Variants in GPD2 observed in about 807,000 individuals in gnomAD.
The protein encoded by GPD2 is glycerol-3-phosphate dehydrogenase 2.
A neutral mutation model predicts 82.4 loss-of-function variants in GPD2; 54 were observed. The observed-to-expected ratio is 0.66, with a 90% confidence interval of 0.53 to 0.82. The LOEUF is 0.82. GPD2 is among the 40% of genes least tolerant of loss of function. The pLI is 0.00. For synonymous variants in GPD2, 288 were observed against 306.1 expected, an observed-to-expected ratio of 0.94 and a Z score of 0.62; for missense variants, 748 against 896.2, an observed-to-expected ratio of 0.83 and a Z score of 2.11.
intron 3 of GPD2, among the ~76,000 whole-genome samples, chr2:156,499,167 G>A (rs1163254482): frequency 6.6e-6 from 1 of 152,148 alleles, no homozygotes; most frequent in Non-Finnish European, 1.5e-5. Flanking sequence ...ATGGGTGGGA[G>A]TAAGGGATGT....
chr2:156,492,757 G>A lies in GPD2; in HGVS notation c.103-3287G>A, dbSNP rs567641609. On this transcript the variant is annotated intron_variant, in intron 2 of 16. Transcript: ENST00000438166. Reference sequence around the variant, plus strand: ...TGGAAATGTTTTAGAAGATGGAACTGATAAACTCAGTGATTGAGCAGATAT... The same window carrying A: ...TGGAAATGTTTTAGAAGATGGAACTAATAAACTCAGTGATTGAGCAGATAT... Among the ~76,000 whole-genome samples the A allele has an allele frequency of 1.1e-3, 170 of 152,250 alleles. 1 individual carries two copies. The highest frequency in any genetic ancestry group is 1.9e-3 in the Non-Finnish European group (126 of 68,002).
chr2:156,570,142 T>C lies in GPD2; in HGVS notation c.1532T>C (p.Met511Thr). ...GATAAGGCCTTTGAGGTGGCCAAAA[T>C]GGCAAGTGTGACTGGCAAAAGGTGG... Reference protein sequence around the residue: ...YGDKAFEVAKMASVTGKRWPI... With the variant: ...YGDKAFEVAKTASVTGKRWPI... Residue 511 changes from methionine to threonine, a missense_variant, in exon 12 of 17, where the codon ATG becomes ACG. By Grantham distance (81) the Met-to-Thr change is moderately conservative (BLOSUM62 -1). Around this residue, in one of 3 missense-constraint regions of GPD2, gnomAD observed 692 missense variants for 809.7 expected, o/e 0.85. Coordinates refer to ENST00000438166, the MANE Select transcript of GPD2 (RefSeq NM_000408.5). 6.2e-7 allele frequency: 1 copy of C among 1,612,480 alleles called. No individual in the cohort carries two copies. Among genetic ancestry groups the C allele is most frequent in the Non-Finnish European group, 8.5e-7 (1 of 1,179,146 alleles).
At chr2:156,411,160 A>G in the GPD2 span, among the ~76,000 whole-genome samples, 9 of 152,344 alleles carry the variant, frequency 5.9e-5, no homozygotes, top group East Asian at 1.7e-3. Context: ...GGGGGTAAGT[A>G]GCTTATTTAA....
intron 2 of GPD2, among the ~76,000 whole-genome samples, chr2:156,489,776 C>T (rs1573922540): frequency 1.7e-5 from 1 of 59,930 alleles, no homozygotes; most frequent in South Asian, 9.0e-4. Flanking sequence ...TCCCTTCCCT[C>T]CTCTCCCCTC....
At chr2:156,435,221 TCTTC>T (rs893317245), upstream of GPD2, 4 of 152,374 alleles carry the variant, frequency 2.6e-5, no homozygotes, top group African/African-American at 9.6e-5. Flanking sequence ...ACACTAATTT[TCTTC>T]CTTCTTTTGG....
At chr2:156,400,763 C>G in the GPD2 span, among the ~76,000 whole-genome samples, 3 of 152,306 alleles carry the variant, frequency 2.0e-5, no homozygotes, top group African/African-American at 7.2e-5. Flanking sequence ...AATATGCTTT[C>G]GGCTGGGGGA....
chr2:156,498,177 A>C (rs971115482), intron 3 of GPD2, among the ~76,000 whole-genome samples: 1 of 152,200 alleles, frequency 6.6e-6, no homozygotes, highest in African/African-American at 2.4e-5. Context: ...TTAGTTTTAC[A>C]AATATATGCT....
chr2:156,439,612 C>T (rs1171241795), intron 1 of GPD2, among the ~76,000 whole-genome samples: 1 of 145,592 alleles, frequency 6.9e-6, no homozygotes, highest in Non-Finnish European at 1.5e-5. Context: ...GCTGGGAGGC[C>T]TAGGCAGGCG....
rs1316479113 is a variant in GPD2, at chr2:156,584,275, TTTG to T, written c.*1366_*1368del. The T allele has an allele frequency of 4.6e-5, 7 of 152,070 alleles. No individual in the cohort carries two copies. Among genetic ancestry groups the T allele is most frequent in the Non-Finnish European group, 7.4e-5 (5 of 67,976 alleles). 9.4% of individuals were successfully genotyped at this position (152,070 alleles called of 1,614,324 possible). On this transcript the variant is annotated 3_prime_UTR_variant, in exon 17 of 17. Transcript: ENST00000438166. ...TCTTGTAAAGTTAACTACTTACTTT[TTTG>T]TTGTTGTTTTTTTAACATCAGGTTC...
rs376686130 is a variant in GPD2, at chr2:156,496,055, C to G, written c.114C>G (p.Ala38=). The change falls in exon 3 of 17, where the codon GCC becomes GCG. Residue 38 remains alanine, a synonymous_variant. Transcript: ENST00000438166. ...AHYRRKQMNL[A]YVKAADCISE... The stretch of plus-strand genomic sequence containing the variant: ...TGCTTTTACATCAGATGAACCTGGC[C>G]TATGTTAAAGCAGCAGACTGCATTT... The G allele has an allele frequency of 1.1e-5, 18 of 1,611,882 alleles. No homozygotes were observed. The highest frequency in any genetic ancestry group is 1.5e-5 in the Non-Finnish European group (18 of 1,178,578).
At chr2:156,406,203 A>G in the GPD2 span, among the ~76,000 whole-genome samples, 2 of 152,166 alleles carry the variant, frequency 1.3e-5, no homozygotes, top group Non-Finnish European at 2.9e-5. Flanking sequence ...CCATTTTAGA[A>G]TCACAAGTAG....
intron 1 of GPD2, among the ~76,000 whole-genome samples, chr2:156,449,736 C>T (rs1295166147): frequency 9.2e-5 from 14 of 151,880 alleles, no homozygotes; most frequent in Admixed American, 7.9e-4. Context: ...GTGGCCTGGG[C>T]GTGGTGGCTT....
chr2:156,553,004 A>C (rs2105339112), intron 8 of GPD2, among the ~76,000 whole-genome samples: 1 of 144,352 alleles, frequency 6.9e-6, no homozygotes, highest in Middle Eastern at 3.8e-3. Context: ...AGTTCAAGTG[A>C]TTCTCCTGCC....
At chr2:156,539,787 T>G (rs1686234834) in intron 6 of GPD2, among the ~76,000 whole-genome samples, 1 of 152,240 alleles carries the variant, frequency 6.6e-6, no homozygotes, top group Non-Finnish European at 1.5e-5. Flanking sequence ...GTGAAAGGAT[T>G]CACTTGCTTT....
intron 1 of GPD2, among the ~76,000 whole-genome samples, chr2:156,449,190 C>T (rs1037027258): frequency 1.2e-4 from 18 of 151,790 alleles, no homozygotes; most frequent in African/African-American, 4.4e-4. Flanking sequence ...TTCACAGGTT[C>T]CAGGGATTAG....
the GPD2 span, among the ~76,000 whole-genome samples, chr2:156,419,441 A>G: frequency 6.6e-6 from 1 of 152,170 alleles, no homozygotes; most frequent in Admixed American, 6.5e-5. Flanking sequence ...AATGGCATTT[A>G]TTTTTAGTTT....
rs184913 is a variant in GPD2 at position 156,451,494 on chromosome 2, A to G, written c.-9+14981A>G. Among the ~76,000 whole-genome samples, 2 of 53,248 alleles carry G rather than the reference A, an allele frequency of 3.8e-5. 1 individual carries two copies. The highest frequency in any genetic ancestry group is 6.5e-5 in the Non-Finnish European group (2 of 30,734). 34.9% of individuals were successfully genotyped at this position (53,248 alleles called of 152,430 possible). On this transcript the variant is annotated intron_variant, in intron 1 of 16. Coordinates refer to ENST00000438166, the MANE Select transcript of GPD2 (RefSeq NM_000408.5). The stretch of plus-strand genomic sequence containing the variant: ...CTGACCCCCCCACCTCCCTCCCGGA[A>G]GGGGCGGCTGGCCGAGCGGGGGGGC...
chr2:156,446,249 C>T lies in GPD2; in HGVS notation c.-9+9736C>T, dbSNP rs1042629585. Among the ~76,000 whole-genome samples the T allele has an allele frequency of 3.9e-5, 6 of 152,180 alleles. No individual in the cohort carries two copies. In the South Asian group the frequency reaches 1.2e-3, roughly 32 times the overall value. ...TAGCTGGGATTATAGGCATGTGCCA[C>T]CATGCCCGGCTAATATTTGTATTTT... On this transcript the variant is annotated intron_variant, in intron 1 of 16. Coordinates refer to ENST00000438166, the MANE Select transcript of GPD2 (RefSeq NM_000408.5).
chr2:156,474,259 A>T lies in GPD2; in HGVS notation c.-8-1839A>T, dbSNP rs371163891. On this transcript the variant is annotated intron_variant, in intron 1 of 16. Coordinates refer to ENST00000438166, the MANE Select transcript of GPD2 (RefSeq NM_000408.5). ...ATCAGTATATAATTTATAGTATCCT[A>T]AAATGAGTTTTCTATAGGATCATAG... Among the ~76,000 whole-genome samples the T allele has an allele frequency of 2.0e-5, 3 of 152,222 alleles. No individual in the cohort carries two copies. In the South Asian group the frequency reaches 6.2e-4, roughly 32 times the overall value.
Sources: allele counts gnomAD v4.1 joint callset (sites outside exome capture counted in the v4.1 genomes callset), GRCh38; gene constraint gnomAD v4.1.1; regional missense constraint gnomAD v4.1.1; transcripts MANE v1.5; gene names NCBI Gene and HGNC (gene_info 2026-07-23, HGNC 2026-07-21).